Variants in RHOBTB1 observed in about 807,000 individuals in gnomAD.
RHOBTB1 encodes rho-related BTB domain-containing protein 1.
Under a neutral mutation model 71.6 loss-of-function variants are expected in RHOBTB1, and 40 were observed. The observed-to-expected ratio is 0.56, with a 90% CI of 0.43 to 0.73. The LOEUF (loss-of-function observed/expected upper bound fraction) is 0.73, where lower values mean the gene tolerates loss of function less well. Among genes scored for constraint, RHOBTB1 ranks in the 30% least tolerant of loss-of-function variants. RHOBTB1 has a pLI of 0.00. For missense variants in RHOBTB1, 797 were observed against 894.0 expected (o/e 0.89, Z 1.38); for synonymous variants, 319 against 334.9 (o/e 0.95, Z 0.52).
intron 7 of RHOBTB1, among the ~76,000 whole-genome samples, chr10:60,879,799 C>T (rs1356970043): frequency 1.3e-5 from 2 of 152,272 alleles, no homozygotes; most frequent in Non-Finnish European, 2.9e-5. Flanking sequence ...TGCACTTGCA[C>T]ACAAACACAC....
chr10:60,967,591 C>G (rs1380251321), intron 2 of RHOBTB1, among the ~76,000 whole-genome samples: 1 of 151,780 alleles, frequency 6.6e-6, no homozygotes, highest in Non-Finnish European at 1.5e-5. Flanking sequence ...TTGTTTATGT[C>G]AAGGAGAGAA....
chr10:60,924,867 T>G (rs1188734036), intron 2 of RHOBTB1, among the ~76,000 whole-genome samples: 2 of 152,178 alleles, frequency 1.3e-5, no homozygotes, highest in Non-Finnish European at 1.5e-5. Flanking sequence ...CACATGGAAA[T>G]CAAACAATAT....
downstream of RHOBTB1, among the ~76,000 whole-genome samples, chr10:60,868,833 T>C (rs1196842480): frequency 6.6e-6 from 1 of 152,214 alleles, no homozygotes; most frequent in Non-Finnish European, 1.5e-5. Context: ...CATCCACCTC[T>C]AAAAGGTGGA....
intron 1 of RHOBTB1, among the ~76,000 whole-genome samples, chr10:60,991,968 A>T (rs1349886906): frequency 6.6e-6 from 1 of 152,208 alleles, no homozygotes; most frequent in Non-Finnish European, 1.5e-5. Context: ...GGAGGCAGAG[A>T]GTATCTGATG....
chr10:60,872,018 C>T (rs1361372485), intron 10 of RHOBTB1, 167 bp downstream of exon 10: 4 of 664,990 alleles, frequency 6.0e-6, no homozygotes, highest in Non-Finnish European at 1.1e-5. Flanking sequence ...CAATTCCCAG[C>T]CTTCAATTCC....
chr10:60,894,368 A>C (rs763208932), intron 4 of RHOBTB1, among the ~76,000 whole-genome samples: 8 of 152,212 alleles, frequency 5.3e-5, no homozygotes, highest in Non-Finnish European at 1.0e-4. Flanking sequence ...TGAATGTATT[A>C]ATCTGAATGT....
intron 4 of RHOBTB1, among the ~76,000 whole-genome samples, chr10:60,909,279 G>A (rs1372758910): frequency 1.3e-5 from 2 of 151,986 alleles, no homozygotes; most frequent in South Asian, 2.1e-4. Flanking sequence ...GTTAAATTTC[G>A]TTGTTTGAAA....
chr10:60,925,603 A>G (rs2083826326), intron 2 of RHOBTB1, among the ~76,000 whole-genome samples: 1 of 152,146 alleles, frequency 6.6e-6, no homozygotes, highest in African/African-American at 2.4e-5. Context: ...TGAAATTGAG[A>G]TAAAAATAGA....
chr10:60,906,505 G>A (rs1353268290), intron 4 of RHOBTB1, among the ~76,000 whole-genome samples: 2 of 152,186 alleles, frequency 1.3e-5, no homozygotes, highest in Non-Finnish European at 2.9e-5. Context: ...TGGTGGATGG[G>A]GAAGATATGG....
At chr10:60,908,655 TCA>T (rs1269459682) in intron 4 of RHOBTB1, among the ~76,000 whole-genome samples, 1 of 152,224 alleles carries the variant, frequency 6.6e-6, no homozygotes, top group Non-Finnish European at 1.5e-5. Flanking sequence ...CCTACTTCTC[TCA>T]GTTTTTTCCA....
chr10:60,868,728 A>T (rs2132117733), downstream of RHOBTB1, among the ~76,000 whole-genome samples: 1 of 152,304 alleles, frequency 6.6e-6, no homozygotes, highest in Admixed American at 6.5e-5. Context: ...ATCCCTGATG[A>T]TTTGCCAGAC....
At chr10:60,911,270 C>A in intron 3 of RHOBTB1, 81 bp downstream of exon 3, 1 of 1,345,210 alleles carries the variant, frequency 7.4e-7, no homozygotes, top group Non-Finnish European at 1.0e-6. Flanking sequence ...AATTTATCCA[C>A]GCTCCTCCTT....
chr10:60,961,900 T>C (rs1454478276), intron 2 of RHOBTB1, among the ~76,000 whole-genome samples: 2 of 151,274 alleles, frequency 1.3e-5, no homozygotes, highest in African/African-American at 4.9e-5. Flanking sequence ...CCTCCGCTCC[T>C]GGGTTCAAAT....
At chr10:60,987,044 A>C (rs1222293938) in intron 1 of RHOBTB1, among the ~76,000 whole-genome samples, 1 of 152,184 alleles carries the variant, frequency 6.6e-6, no homozygotes, top group Non-Finnish European at 1.5e-5. Context: ...CAGATGTGAG[A>C]CAAAACGGAC....
chr10:60,905,449 CAAAAAAA>C (rs35538782), intron 4 of RHOBTB1, among the ~76,000 whole-genome samples: 4 of 48,992 alleles, frequency 8.2e-5, no homozygotes, highest in Non-Finnish European at 1.5e-4. Flanking sequence ...GACTCTTTCT[CAAAAAAA>C]AAAAAAAAAA....
intron 7 of RHOBTB1, among the ~76,000 whole-genome samples, chr10:60,881,019 C>T (rs996395518): frequency 7.6e-5 from 7 of 92,414 alleles, no homozygotes; most frequent in South Asian, 3.5e-4. Flanking sequence ...ATAATTCCCA[C>T]GTGTTGTGGG....
chr10:60,872,013 C>T lies in RHOBTB1; in HGVS notation c.1921+172G>A, dbSNP rs992598033. The stretch of plus-strand genomic sequence containing the variant: ...ATCATCAAGTTCTCCAAAGACAATT[C>T]CCAGCCTTCAATTCCTTATGTCATC... On this transcript the variant is annotated intron_variant, in intron 10 of 10. Coordinates refer to ENST00000337910, the MANE Select transcript of RHOBTB1 (RefSeq NM_014836.5). The T allele has an allele frequency of 6.0e-6, 4 of 661,448 alleles. No homozygotes were observed. In the Admixed American group the frequency reaches 9.6e-5, roughly 16 times the overall value. 41.0% of individuals were successfully genotyped at this position (661,448 alleles called of 1,614,324 possible). A position where few individuals can be genotyped will look rare whatever the true frequency, so the allele number is the denominator to read the frequency against.
At chr10:60,985,555 CTG>C (rs1351826779) in intron 2 of RHOBTB1, among the ~76,000 whole-genome samples, 1 of 152,152 alleles carries the variant, frequency 6.6e-6, no homozygotes, top group Non-Finnish European at 1.5e-5. Context: ...AGAATTTTAA[CTG>C]TGTATAAAGT....
chr10:60,894,009 A>G (rs1352166876), intron 4 of RHOBTB1, among the ~76,000 whole-genome samples: 1 of 152,018 alleles, frequency 6.6e-6, no homozygotes, highest in Non-Finnish European at 1.5e-5. Context: ...TCAGAAATAA[A>G]CTCTTACAAT....
Sources: gnomAD v4.1 joint callset for allele counts (sites outside exome capture counted in the v4.1 genomes callset) on GRCh38, gnomAD v4.1.1 for gene constraint, MANE v1.5 for transcripts, NCBI Gene and HGNC (gene_info 2026-07-23, HGNC 2026-07-21) for gene names.